The following ZNF395 variants were observed in gnomAD, a reference collection of about 807,000 sequenced individuals.
ZNF395 encodes the protein HD gene regulatory region-binding protein 2.
A neutral mutation model predicts 57.7 loss-of-function variants in ZNF395; 20 were observed. The observed-to-expected ratio is 0.35, with a 90% confidence interval of 0.24 to 0.50. The LOEUF (loss-of-function observed/expected upper bound fraction) is 0.50. ZNF395 is among the 20% of genes least tolerant of loss of function. The pLI, the probability that ZNF395 is intolerant of heterozygous loss-of-function variation, is 0.97. For synonymous variants in ZNF395, 295 were observed against 275.9 expected (o/e 1.07, Z -0.69); for missense variants, 606 against 671.2 (o/e 0.90, Z 1.07).
intron 1 of ZNF395, among the ~76,000 whole-genome samples, chr8:28,380,230 C>T (rs184955213): frequency 6.6e-6 from 1 of 152,262 alleles, no homozygotes; most frequent in Admixed American, 6.5e-5. Context: ...CAGCTACATC[C>T]CCAGAAGTGG....
intron 1 of ZNF395, among the ~76,000 whole-genome samples, chr8:28,366,542 G>C (rs1015670782): frequency 2.0e-5 from 3 of 151,382 alleles, no homozygotes; most frequent in Admixed American, 6.6e-5. Flanking sequence ...GTGAATGTTT[G>C]CATCTCTTAT....
rs199842050 is a variant in ZNF395, at chr8:28,349,107, C to T, written c.1430+18G>A. On this transcript the variant is annotated intron_variant, in intron 9 of 9. Transcript: ENST00000344423. ...GGCACAGAAACCAGAAGGCAGGGGA[C>T]GACAGCGGACATCTCACCTGGCACC... 3.7e-5 allele frequency: 58 copies of T among 1,560,474 alleles called. No individual in the cohort carries two copies. The highest frequency in any genetic ancestry group is 3.0e-4 in the African/African-American group (22 of 73,178).
intron 1 of ZNF395, among the ~76,000 whole-genome samples, chr8:28,368,824 C>T (rs981233187): frequency 1.3e-5 from 2 of 152,078 alleles, no homozygotes; most frequent in African/African-American, 4.8e-5. Context: ...GGAACATGGA[C>T]TCTACTTTCT....
intron 1 of ZNF395, among the ~76,000 whole-genome samples, chr8:28,369,514 C>T (rs924841715): frequency 2.0e-5 from 3 of 152,232 alleles, no homozygotes; most frequent in Non-Finnish European, 4.4e-5. Flanking sequence ...GCTTGGAGCT[C>T]AACACTAAGT....
At position 28,356,697 on chromosome 8, in the gene ZNF395, G is replaced by A; in HGVS notation, c.556C>T (p.Pro186Ser). The A allele has an allele frequency of 6.2e-7, 1 of 1,614,170 alleles. No individual in the cohort carries two copies. The highest frequency in any genetic ancestry group is 8.5e-7 in the Non-Finnish European group (1 of 1,180,002). Residue 186 changes from proline (P) to serine (S), a missense_variant, in exon 4 of 10, where the codon CCT becomes TCT. Around this residue, in one of 3 missense-constraint regions of ZNF395, gnomAD observed 309 missense variants for 374.7 expected, o/e 0.82. Transcript: ENST00000344423. The surrounding 1 kb of genome is among the most constrained non-coding windows in gnomAD (Gnocchi z 4.0). The part of the protein sequence containing the change: ...SLSCSPVVQS[P>S]PGTEANFSAS... ...GAGAAGTTGGCCTCGGTCCCGGGAG[G>A]ACTCTGTACAACAGGGCTGCAGGAC...
intron 1 of ZNF395, among the ~76,000 whole-genome samples, chr8:28,372,301 T>C (rs1489448828): frequency 6.6e-6 from 1 of 152,014 alleles, no homozygotes; most frequent in African/African-American, 2.4e-5. Context: ...AGTGAGAAAA[T>C]GCATGTTGGA....
chr8:28,351,872 G>C (rs923530211), intron 6 of ZNF395, 65 bp from the exon 7 acceptor site: 1 of 1,490,418 alleles, frequency 6.7e-7, no homozygotes, highest in Admixed American at 2.2e-5. Context: ...AGCGGGGACC[G>C]CGGTAGGGAG....
rs1243138728 is a variant in ZNF395, at chr8:28,374,597, C to T, written c.-59+11796G>A. Among the ~76,000 whole-genome samples the T allele has an allele frequency of 6.6e-5, 10 of 152,282 alleles. No individual in the cohort carries two copies. The East Asian group carries it at 1.5e-3, about 23-fold the overall frequency. On this transcript the variant is annotated intron_variant, in intron 1 of 9. Transcript: ENST00000344423. Reference sequence around the variant, plus strand: ...CTGTGAGCTCAGCAGTGCACATCTGCGTTTCCAGTCAGCAGTGGGCTTTGC... The same window carrying T: ...CTGTGAGCTCAGCAGTGCACATCTGTGTTTCCAGTCAGCAGTGGGCTTTGC...
At chr8:28,385,346 G>C (rs1024838812) in intron 1 of ZNF395, 2 of 152,094 alleles carry the variant, frequency 1.3e-5, no homozygotes, top group Admixed American at 1.3e-4. Context: ...CCCAGGCAGG[G>C]AAGAAAACGC....
intron 1 of ZNF395, 60 bp from the exon 2 acceptor site, chr8:28,361,242 T>C: frequency 3.5e-6 from 5 of 1,432,190 alleles, no homozygotes; most frequent in Admixed American, 2.0e-5. Context: ...AGGAAGGGTC[T>C]ACTAAAATAA....
intron 1 of ZNF395, among the ~76,000 whole-genome samples, chr8:28,366,658 T>C (rs1409163074): frequency 6.6e-6 from 1 of 152,084 alleles, no homozygotes; most frequent in East Asian, 1.9e-4. Context: ...GCAAGCATAT[T>C]TGTAAGTATA....
Position 28,356,687 on chromosome 8 carries a change from G to GTCCC in ZNF395, c.562_565dup (p.Thr189ArgfsTer21). 6.2e-7 allele frequency: 1 copy of GTCCC among 1,614,032 alleles called. No homozygotes were observed. The highest frequency in any genetic ancestry group is 8.5e-7 in the Non-Finnish European group (1 of 1,179,946). ...TTGCTCACCAGAGAAGTTGGCCTCGGTCCCGGGAGGACTCTGTACAACAGG... is the reference window on the plus strand; with the variant it reads ...TTGCTCACCAGAGAAGTTGGCCTCGGTCCCTCCCGGGAGGACTCTGTACAACAGG... On this transcript the variant is annotated frameshift_variant, in exon 4 of 10. Transcript: ENST00000344423. LOFTEE classifies it high-confidence loss of function. This position sits in a 1 kb window ranked among gnomAD's most constrained non-coding sequence, Gnocchi z 4.0.
In ZNF395 at chr8:28,359,613, C is replaced by G. The variant is rs1422753805; in HGVS notation, c.452G>C (p.Arg151Thr). The G allele has an allele frequency of 5.0e-6, 8 of 1,603,622 alleles. No individual in the cohort carries two copies. Among genetic ancestry groups the G allele is most frequent in the Non-Finnish European group, 6.8e-6 (8 of 1,173,656 alleles). The change falls in exon 3 of 10, where the codon AGG becomes ACG. Residue 151 changes from arginine (R) to threonine (T), a missense_variant. By Grantham distance (71) the Arg-to-Thr change is moderately conservative. This residue lies in a region of ZNF395 where 309 missense variants were observed against 374.7 expected (regional missense o/e 0.82). Transcript: ENST00000344423. The surrounding 1 kb of genome is among the most constrained non-coding windows in gnomAD (Gnocchi z 4.7). ...AQALAYRPVSRNIDVPKRKSD... is the reference protein window; with the variant it reads ...AQALAYRPVSTNIDVPKRKSD... ...AAACCTCTTTGGGACATCGATGTTC[C>G]TGGAGACGGGCCTGTAGGCCAGGGC...
At position 28,354,346 on chromosome 8, in the gene ZNF395, T is replaced by C. The variant is rs553100608; in HGVS notation, c.584-938A>G. 4.1e-4 allele frequency among the ~76,000 whole-genome samples: 62 copies of C among 152,258 alleles called. No individual in the cohort carries two copies. In the Middle Eastern group the frequency reaches 0.014, roughly 33 times the overall value. ...TATAGAAGAATCTGAAATTCTGATATGTGGAAATACCAAGAGAGAGGGAAA... is the reference window on the plus strand; with the variant it reads ...TATAGAAGAATCTGAAATTCTGATACGTGGAAATACCAAGAGAGAGGGAAA... On this transcript the variant is annotated intron_variant, in intron 4 of 9. Coordinates refer to ENST00000344423, the MANE Select transcript of ZNF395 (RefSeq NM_018660.3).
intron 7 of ZNF395, 181 bp downstream of exon 7, chr8:28,351,314 C>A: frequency 1.6e-6 from 1 of 621,718 alleles, no homozygotes; most frequent in Non-Finnish European, 2.6e-6. Flanking sequence ...ATGTAGATAA[C>A]TCCAGGAATT....
At position 28,352,861 on chromosome 8, in the gene ZNF395, C is replaced by G. The variant is rs1028115533; in HGVS notation, c.820-188G>C. 1.3e-5 allele frequency among the ~76,000 whole-genome samples: 2 copies of G among 152,174 alleles called. No individual in the cohort carries two copies. The highest frequency in any genetic ancestry group is 2.9e-5 in the Non-Finnish European group (2 of 68,036). On this transcript the variant is annotated intron_variant, in intron 5 of 9. Coordinates refer to ENST00000344423, the MANE Select transcript of ZNF395 (RefSeq NM_018660.3). This position sits in a 1 kb window ranked among gnomAD's most constrained non-coding sequence, Gnocchi z 4.0. ...AGAAAGCCCCAATCTAAGAGATGGT[C>G]CTAGTGGCCAACAGCAGTGCTCCAT...
At position 28,348,209 on chromosome 8, in the gene ZNF395, C is replaced by T. The variant is rs925900350; in HGVS notation, c.*510G>A. 3 of 152,694 alleles carry T rather than the reference C, an allele frequency of 2.0e-5. No individual in the cohort carries two copies. Among genetic ancestry groups the T allele is most frequent in the African/African-American group, 7.3e-5 (3 of 41,282 alleles). The allele number at this position is 152,694 out of a possible 1,614,324, so 9.5% of individuals were successfully genotyped here. On this transcript the variant is annotated 3_prime_UTR_variant, in exon 10 of 10. Transcript: ENST00000344423. ...CCTCCGAGAAGGGCAAACCCCTCTG[C>T]CCCACGGCCAGGCAGTCCTGCACTC...
At chr8:28,361,280 A>T in intron 1 of ZNF395, 98 bp from the exon 2 acceptor site, 1 of 994,756 alleles carries the variant, frequency 1.0e-6, no homozygotes, top group Non-Finnish European at 1.5e-6. Flanking sequence ...AACTTCTAGC[A>T]TCCTTCCCTT....
At chr8:28,368,552 GGC>G (rs1466167006) in intron 1 of ZNF395, 5 of 152,226 alleles carry the variant, frequency 3.3e-5, no homozygotes, top group Non-Finnish European at 7.3e-5. Context: ...CCAGCAGCAA[GGC>G]GCGGCTCAGG....
Sources: gnomAD v4.1 joint callset for allele counts (sites outside exome capture counted in the v4.1 genomes callset) on GRCh38, gnomAD v4.1.1 for gene constraint, gnomAD v4.1.1 regional missense constraint, Gnocchi (gnomAD v3.1) non-coding constraint, MANE v1.5 for transcripts, NCBI Gene and HGNC (gene_info 2026-07-23, HGNC 2026-07-21) for gene names.